LARGE1: variants seen among roughly 807,000 people sequenced by gnomAD.
The protein encoded by LARGE1 is xylosyl- and glucuronyltransferase LARGE1.
In LARGE1, 43 loss-of-function variants were observed where a neutral mutation model predicts 87.6. The ratio of observed to expected loss-of-function variants is 0.49; its 90% confidence interval spans 0.38 to 0.63. LARGE1 has a LOEUF of 0.63. LARGE1 is among the 30% of genes least tolerant of loss of function. The pLI is 0.00. For synonymous variants in LARGE1, 434 were observed against 394.6 expected, an observed-to-expected ratio of 1.10 and a Z score of -1.18; for missense variants, 802 against 1,000.2, an observed-to-expected ratio of 0.80 and a Z score of 2.67.
intron 1 of LARGE1, among the ~76,000 whole-genome samples, chr22:33,894,094 G>A (rs5754751): frequency 6.6e-6 from 1 of 151,994 alleles, no homozygotes; most frequent in Admixed American, 6.6e-5. Flanking sequence ...GACCCTATGA[G>A]CACTCAGGGT....
chr22:33,566,237 A>G (rs2148792737), intron 5 of LARGE1, among the ~76,000 whole-genome samples: 1 of 152,380 alleles, frequency 6.6e-6, no homozygotes, highest in East Asian at 1.9e-4. Flanking sequence ...AATTAATTCA[A>G]ACATGATACT....
chr22:33,696,980 T>C (rs1304835099), intron 2 of LARGE1, among the ~76,000 whole-genome samples: 1 of 152,114 alleles, frequency 6.6e-6, no homozygotes, highest in Non-Finnish European at 1.5e-5. Flanking sequence ...AATATTTCCC[T>C]TACATACATC....
intron 9 of LARGE1, among the ~76,000 whole-genome samples, chr22:33,348,438 A>C (rs930997089): frequency 6.6e-6 from 1 of 152,156 alleles, no homozygotes; most frequent in African/African-American, 2.4e-5. Flanking sequence ...TCTTAAAATA[A>C]AATAATAATA....
chr22:33,766,918 A>G (rs2084921065), intron 1 of LARGE1, among the ~76,000 whole-genome samples: 1 of 1,892 alleles, frequency 5.3e-4, no homozygotes, highest in South Asian at 0.013. Context: ...ATATACATAT[A>G]TATATATATA....
intron 2 of LARGE1, among the ~76,000 whole-genome samples, chr22:33,712,140 C>G (rs1321987524): frequency 6.6e-6 from 1 of 152,080 alleles, no homozygotes; most frequent in Non-Finnish European, 1.5e-5. Flanking sequence ...AGATTCAACC[C>G]CAGGAAGTTT....
intron 1 of LARGE1, among the ~76,000 whole-genome samples, chr22:33,795,707 G>T (rs150218143): frequency 2.0e-3 from 302 of 152,256 alleles, no homozygotes; most frequent in Non-Finnish European, 3.3e-3. Context: ...CAGGGACGTG[G>T]ATGAAGCTAG....
intron 11 of LARGE1, among the ~76,000 whole-genome samples, chr22:33,170,163 G>A (rs1922487589): frequency 6.6e-6 from 1 of 151,984 alleles, no homozygotes; most frequent in African/African-American, 2.4e-5. Flanking sequence ...GAGGTCAGGA[G>A]TTCTAGACCA....
At chr22:33,343,396 A>G (rs901433628) in intron 9 of LARGE1, among the ~76,000 whole-genome samples, 1 of 152,178 alleles carries the variant, frequency 6.6e-6, no homozygotes. Flanking sequence ...CTAGGATTAC[A>G]GCACTTTGAG....
At chr22:33,311,067 T>C (rs1935534611) in intron 11 of LARGE1, among the ~76,000 whole-genome samples, 1 of 151,972 alleles carries the variant, frequency 6.6e-6, no homozygotes, top group Non-Finnish European at 1.5e-5. Flanking sequence ...TTCACACCAT[T>C]CTTCTGCCTC....
chr22:33,606,431 A>ATAAAATAAAG (rs1231128413), intron 4 of LARGE1, among the ~76,000 whole-genome samples: 3 of 151,162 alleles, frequency 2.0e-5, no homozygotes, highest in Non-Finnish European at 4.4e-5. Flanking sequence ...ATAAAATGAA[A>ATAAAATAAAG]TAAAATAAAA....
chr22:33,076,858 T>C, the LARGE1 span, among the ~76,000 whole-genome samples: 35 of 152,334 alleles, frequency 2.3e-4, no homozygotes, highest in South Asian at 3.5e-3. Context: ...TCATTCTCAA[T>C]GGATTTTCTT....
intron 11 of LARGE1, among the ~76,000 whole-genome samples, chr22:33,185,042 ACT>A (rs1386766139): frequency 2.6e-5 from 4 of 152,096 alleles, no homozygotes; most frequent in Non-Finnish European, 4.4e-5. Context: ...TCCAGCAATC[ACT>A]CTCTCTGGTA....
chr22:33,522,077 A>C (rs1196740182), intron 6 of LARGE1, among the ~76,000 whole-genome samples: 1 of 152,162 alleles, frequency 6.6e-6, no homozygotes, highest in Non-Finnish European at 1.5e-5. Context: ...GATGGCACTA[A>C]GCCATTCATG....
intron 9 of LARGE1, among the ~76,000 whole-genome samples, chr22:33,351,931 G>A (rs1473255860): frequency 6.6e-6 from 1 of 152,026 alleles, no homozygotes; most frequent in Non-Finnish European, 1.5e-5. Context: ...TAGAGATGGG[G>A]CTTCACCATG....
In LARGE1 at chr22:33,759,463, T is replaced by A. The variant is rs555606758; in HGVS notation, c.106+1908A>T. Among the ~76,000 whole-genome samples, 3 of 151,880 alleles carry A rather than the reference T, an allele frequency of 2.0e-5. No homozygotes were observed. The East Asian group carries it at 5.8e-4, about 30-fold the overall frequency. ...AGATCACTGAAGCTTATCTGCCTCA[T>A]CCCCCCCATCTGTAAAACAGGTGTA... On this transcript the variant is annotated intron_variant, in intron 2 of 14. Transcript: ENST00000397394.
At chr22:33,879,264 T>C (rs1024975004) in intron 1 of LARGE1, among the ~76,000 whole-genome samples, 1 of 152,062 alleles carries the variant, frequency 6.6e-6, no homozygotes, top group Non-Finnish European at 1.5e-5. Context: ...CCACGCCCAG[T>C]CTCTTTTCTT....
At chr22:33,182,212 T>G (rs1923208295) in intron 11 of LARGE1, among the ~76,000 whole-genome samples, 1 of 152,212 alleles carries the variant, frequency 6.6e-6, no homozygotes, top group African/African-American at 2.4e-5. Context: ...CCAATAGACT[T>G]GAAATGTTTA....
the LARGE1 span, among the ~76,000 whole-genome samples, chr22:33,117,767 T>G: frequency 1.3e-5 from 2 of 152,186 alleles, no homozygotes; most frequent in Non-Finnish European, 2.9e-5. Flanking sequence ...TATGAATGAC[T>G]GAGGGGATTA....
At position 33,274,703 on chromosome 22, in the gene LARGE1, A is replaced by G; in HGVS notation, c.2074-79T>C. The G allele has an allele frequency of 2.4e-6, 3 of 1,249,688 alleles. No homozygotes were observed. The South Asian group carries it at 3.6e-5, about 15-fold the overall frequency. 77.4% of individuals were successfully genotyped at this position (1,249,688 alleles called of 1,614,324 possible). On this transcript the variant is annotated intron_variant, in intron 14 of 14. Transcript: ENST00000397394. ...GATGAAGGCCCAAGCGAATGATTGA[A>G]TGGCTAGTGAATGAATGACTTGATA...
Sources: allele counts gnomAD v4.1 joint callset (sites outside exome capture counted in the v4.1 genomes callset), GRCh38; gene constraint gnomAD v4.1.1; transcripts MANE v1.5; gene names NCBI Gene and HGNC (gene_info 2026-07-23, HGNC 2026-07-21).